The following SNX29 variants were observed in gnomAD, a reference collection of about 807,000 sequenced individuals.
The protein encoded by SNX29 is sorting nexin 29.
SNX29 carries 78 observed loss-of-function variants against 102.1 expected under a neutral mutation model. That is an observed-to-expected ratio of 0.76 (90% CI 0.64 to 0.92). The LOEUF (loss-of-function observed/expected upper bound fraction) is 0.92. Ranked by LOEUF, SNX29 falls within the 40% of genes least tolerant of loss-of-function variation. SNX29 has a pLI of 0.00. For missense variants in SNX29, 1,280 were observed against 1,061.7 expected (o/e 1.21, Z -2.86); for synonymous variants, 580 against 414.5 (o/e 1.40, Z -4.85).
intron 14 of SNX29, among the ~76,000 whole-genome samples, chr16:12,221,837 C>T (rs1003446400): frequency 6.6e-6 from 1 of 152,124 alleles, no homozygotes; most frequent in African/African-American, 2.4e-5. Flanking sequence ...CTGCCTCTTC[C>T]CCGCATGATC....
At chr16:12,561,685 C>A (rs142722871) in intron 20 of SNX29, among the ~76,000 whole-genome samples, 6 of 152,162 alleles carry the variant, frequency 3.9e-5, no homozygotes, top group African/African-American at 1.2e-4. Context: ...ACACACAGAC[C>A]CCCTTTTCCC....
chr16:12,312,288 G>C (rs138222778), intron 15 of SNX29, among the ~76,000 whole-genome samples: 3 of 152,196 alleles, frequency 2.0e-5, no homozygotes, highest in Non-Finnish European at 2.9e-5. Flanking sequence ...CTGCGCTGTC[G>C]TTTAGTCAGG....
At chr16:12,135,455 C>T (rs1290223273) in intron 13 of SNX29, 4 of 1,241,200 alleles carry the variant, frequency 3.2e-6, no homozygotes, top group East Asian at 4.4e-5. Flanking sequence ...GAGGGCTTTA[C>T]AGGAGGGCAT....
intron 19 of SNX29, among the ~76,000 whole-genome samples, chr16:12,478,232 G>A (rs889564193): frequency 6.6e-6 from 1 of 152,222 alleles, no homozygotes; most frequent in African/African-American, 2.4e-5. Flanking sequence ...ATGGCTATGT[G>A]CCAATAGCAT....
At chr16:12,331,139 G>C (rs2081280832) in intron 15 of SNX29, among the ~76,000 whole-genome samples, 1 of 152,166 alleles carries the variant, frequency 6.6e-6, no homozygotes, top group South Asian at 2.1e-4. Context: ...GAGCTTGGCA[G>C]GCCTGACTGG....
chr16:12,461,495 T>A (rs2086773695), intron 18 of SNX29, among the ~76,000 whole-genome samples: 1 of 152,234 alleles, frequency 6.6e-6, no homozygotes, highest in African/African-American at 2.4e-5. Flanking sequence ...TATTCTGTTC[T>A]TAAAACTCGT....
At chr16:12,538,916 A>C (rs1195397391) in intron 20 of SNX29, among the ~76,000 whole-genome samples, 1 of 152,142 alleles carries the variant, frequency 6.6e-6, no homozygotes, top group Admixed American at 6.5e-5. Context: ...TCTAAGTGGG[A>C]GAAAGGGTGG....
chr16:12,239,941 G>C (rs894753404), intron 14 of SNX29, among the ~76,000 whole-genome samples: 2 of 151,860 alleles, frequency 1.3e-5, no homozygotes, highest in African/African-American at 4.9e-5. Flanking sequence ...CTATTGAAGA[G>C]ATTTGAAGTA....
intron 13 of SNX29, among the ~76,000 whole-genome samples, chr16:12,179,500 G>C (rs2141823970): frequency 6.6e-6 from 1 of 152,286 alleles, no homozygotes; most frequent in East Asian, 1.9e-4. Flanking sequence ...AGACAAACTG[G>C]CATATGTTTC....
rs189442269 is a variant in SNX29 at position 12,563,252 on chromosome 16, C to T, written c.2319-5254C>T. On this transcript the variant is annotated intron_variant, in intron 20 of 20. Coordinates refer to ENST00000566228, the MANE Select transcript of SNX29 (RefSeq NM_032167.5). ...GTGGCCTCCCCATCATCACTGACCCCGCCCAGGTAGCAGAGGAACGTCGGG... is the reference window on the plus strand; with the variant it reads ...GTGGCCTCCCCATCATCACTGACCCTGCCCAGGTAGCAGAGGAACGTCGGG... 6.3e-4 allele frequency among the ~76,000 whole-genome samples: 96 copies of T among 152,224 alleles called. 2 individuals are homozygous for T. Among genetic ancestry groups the T allele is most frequent in the South Asian group, 5.4e-3 (26 of 4,814 alleles).
chr16:12,278,279 CAT>C lies in SNX29; in HGVS notation c.1782+248_1782+249del, dbSNP rs905105431. Among the ~76,000 whole-genome samples, 88 of 152,116 alleles carry C rather than the reference CAT, an allele frequency of 5.8e-4. 1 individual carries two copies. The highest frequency in any genetic ancestry group is 8.5e-4 in the Non-Finnish European group (58 of 67,982). ...CTTATGATAAGGACATAAGAGAAAACATATATGTGTAACATTAAAAATAAAAC... is the reference window on the plus strand; with the variant it reads ...CTTATGATAAGGACATAAGAGAAAACATATGTGTAACATTAAAAATAAAAC... On this transcript the variant is annotated intron_variant, in intron 15 of 20. Coordinates refer to ENST00000566228, the MANE Select transcript of SNX29 (RefSeq NM_032167.5).
intron 13 of SNX29, among the ~76,000 whole-genome samples, chr16:12,177,308 C>T (rs1414095965): frequency 6.6e-6 from 1 of 152,210 alleles, no homozygotes; most frequent in African/African-American, 2.4e-5. Flanking sequence ...TGCTTTCCTA[C>T]TCACAGCCTC....
At chr16:12,166,881 T>C (rs2056049466) in intron 13 of SNX29, among the ~76,000 whole-genome samples, 1 of 152,208 alleles carries the variant, frequency 6.6e-6, no homozygotes, top group African/African-American at 2.4e-5. Context: ...ATTTATATGC[T>C]TATTTTGCAA....
intron 15 of SNX29, among the ~76,000 whole-genome samples, chr16:12,324,136 G>A (rs749408732): frequency 2.0e-5 from 3 of 151,982 alleles, no homozygotes; most frequent in Non-Finnish European, 2.9e-5. Flanking sequence ...ATGAGACTGG[G>A]ACCTGTTCTA....
In SNX29 at chr16:12,070,712, C is replaced by A. The variant is rs1297796814; in HGVS notation, c.1319+1580C>A. Among the ~76,000 whole-genome samples the A allele has an allele frequency of 2.0e-5, 3 of 151,964 alleles. No homozygotes were observed. The East Asian group carries it at 5.8e-4, about 29-fold the overall frequency. On this transcript the variant is annotated intron_variant, in intron 10 of 20. Coordinates refer to ENST00000566228, the MANE Select transcript of SNX29 (RefSeq NM_032167.5). Reference sequence around the variant, plus strand: ...ATACCCAGTAATGGGATGGCTGGGTCAAATGGTATTTCTAGTTCTAGATCC... The same window carrying A: ...ATACCCAGTAATGGGATGGCTGGGTAAAATGGTATTTCTAGTTCTAGATCC...
intron 11 of SNX29, among the ~76,000 whole-genome samples, chr16:12,120,177 CA>C (rs2053913594): frequency 1.3e-5 from 2 of 152,218 alleles, no homozygotes; most frequent in South Asian, 4.2e-4. Context: ...AGTGGGTAGG[CA>C]GACAAAGATA....
At chr16:12,206,576 G>T (rs927663405) in intron 14 of SNX29, among the ~76,000 whole-genome samples, 13 of 151,982 alleles carry the variant, frequency 8.6e-5, no homozygotes, top group African/African-American at 3.1e-4. Flanking sequence ...TGTGCTGGCC[G>T]CCTTCTCAGC....
chr16:12,399,351 C>T (rs920699086), intron 17 of SNX29, among the ~76,000 whole-genome samples: 6 of 152,180 alleles, frequency 3.9e-5, no homozygotes, highest in Admixed American at 2.6e-4. Flanking sequence ...CGTGCCCAGC[C>T]GATTTTTGTT....
rs551869688 is a variant in SNX29 at position 12,114,399 on chromosome 16, C to T, written c.1403-12234C>T. Among the ~76,000 whole-genome samples, 27 of 152,204 alleles carry T rather than the reference C, an allele frequency of 1.8e-4. No individual in the cohort carries two copies. The East Asian group carries it at 5.0e-3, about 28-fold the overall frequency. ...GCTTTGCCCCAATCCTGTTGAGGCT[C>T]TGTCTCTAAAATGACATGATGGTCT... On this transcript the variant is annotated intron_variant, in intron 11 of 20. Transcript: ENST00000566228.
Sources: gnomAD v4.1 joint callset for allele counts (sites outside exome capture counted in the v4.1 genomes callset) on GRCh38, gnomAD v4.1.1 for gene constraint, MANE v1.5 for transcripts, NCBI Gene and HGNC (gene_info 2026-07-23, HGNC 2026-07-21) for gene names.